OTOGL: variants seen among roughly 807,000 people sequenced by gnomAD.
OTOGL encodes the protein otogelin like, also known as otogelin-like protein.
Under a neutral mutation model 318.5 loss-of-function variants are expected in OTOGL, and 285 were observed. The observed-to-expected ratio is 0.89, with a 90% CI of 0.81 to 0.99. The LOEUF (loss-of-function observed/expected upper bound fraction) is 0.99. OTOGL is among the 50% of genes least tolerant of loss of function. The pLI is 0.00. For missense variants in OTOGL, 2,899 were observed against 2,845.6 expected (o/e 1.02, Z -0.43); for synonymous variants, 987 against 936.5 (o/e 1.05, Z -0.99).
Position 80,329,107 on chromosome 12 carries a change from C to T in OTOGL, c.4336C>T (p.Pro1446Ser), listed in dbSNP as rs1565988279. The T allele has an allele frequency of 6.5e-7, 1 of 1,536,218 alleles. No homozygotes were observed. Among genetic ancestry groups the T allele is most frequent in the South Asian group, 1.3e-5 (1 of 76,614 alleles). ...TLMPPAKPTV[P>S]MFTVWEMITP... is the part of the protein sequence containing the mutation. ...AATGCCACCAGCTAAGCCAACTGTG[C>T]CCATGTTTACAGGTATTGTTATAAT... Residue 1446 changes from proline to serine, a missense_variant, in exon 37 of 59, where the codon CCC becomes TCC. By Grantham distance (74) the Pro-to-Ser change is moderately conservative. This residue lies in a region of OTOGL where 2,607 missense variants were observed against 2,524.9 expected (regional missense o/e 1.03). Coordinates refer to ENST00000547103, the MANE Select transcript of OTOGL (RefSeq NM_001378609.3).
intron 44 of OTOGL, chr12:80,343,815 C>G (rs544038439): frequency 2.0e-5 from 3 of 152,184 alleles, no homozygotes; most frequent in East Asian, 3.9e-4. Flanking sequence ...ATTTTTCATC[C>G]GTGGTTGGTT....
chr12:80,165,917 T>C (rs1405735525), intron 1 of OTOGL, among the ~76,000 whole-genome samples: 1 of 152,202 alleles, frequency 6.6e-6, no homozygotes, highest in Non-Finnish European at 1.5e-5. Flanking sequence ...CTCCTTCTGA[T>C]TGTGCCATCT....
chr12:80,294,915 C>T (rs892551391), intron 26 of OTOGL, among the ~76,000 whole-genome samples: 3 of 152,082 alleles, frequency 2.0e-5, no homozygotes, highest in Non-Finnish European at 4.4e-5. Flanking sequence ...TAGTGACACC[C>T]TGCCTCTACA....
chr12:80,200,686 G>C (rs1292768492), intron 1 of OTOGL, among the ~76,000 whole-genome samples: 1 of 152,114 alleles, frequency 6.6e-6, no homozygotes, highest in Non-Finnish European at 1.5e-5. Context: ...AAGAGGCTTT[G>C]GTAACTCTGC....
At position 80,343,509 on chromosome 12, in the gene OTOGL, G is replaced by GGTTTTTTTTTTTTTTTTTTTTTTT; in HGVS notation, c.5265+1347_5265+1348insGTTTTTTTTTTTTTTTTTTTTTTT. 14 of 35,860 alleles carry GGTTTTTTTTTTTTTTTTTTTTTTT rather than the reference G, an allele frequency of 3.9e-4. 2 individuals are homozygous for GGTTTTTTTTTTTTTTTTTTTTTTT. The highest frequency in any genetic ancestry group is 5.5e-4 in the Non-Finnish European group (11 of 19,834). The allele number at this position is 35,860 out of a possible 1,614,324, so 2.2% of individuals were successfully genotyped here. A position where few individuals can be genotyped will look rare whatever the true frequency, so the allele number is the denominator to read the frequency against. On this transcript the variant is annotated intron_variant, in intron 44 of 58. Transcript: ENST00000547103. ...TACATTTTTATTATTTTTTATTCTTGTTTTTTTTTTTTTTTTTTTTTTTTT... is the reference window on the plus strand; with the variant it reads ...TACATTTTTATTATTTTTTATTCTTGGTTTTTTTTTTTTTTTTTTTTTTTTTTTTTTTTTTTTTTTTTTTTTTTT...
intron 20 of OTOGL, 150 bp from the exon 21 acceptor site, chr12:80,266,301 G>A: frequency 1.3e-6 from 1 of 763,454 alleles, no homozygotes. Context: ...CACTGAGGAT[G>A]TTGCTCTTTG....
At chr12:80,172,260 G>T (rs553322012) in intron 1 of OTOGL, among the ~76,000 whole-genome samples, 2 of 150,810 alleles carry the variant, frequency 1.3e-5, no homozygotes, top group Admixed American at 6.6e-5. Context: ...CTTTGTGAAG[G>T]TTTCCTAGAT....
chr12:80,144,907 GT>G (rs1206400588), intron 1 of OTOGL, among the ~76,000 whole-genome samples: 6 of 151,122 alleles, frequency 4.0e-5, no homozygotes, highest in South Asian at 4.2e-4. Flanking sequence ...GGGGTTGTTT[GT>G]TTTTTTCTTG....
At chr12:80,265,531 G>A (rs1435570974) in intron 20 of OTOGL, 2 of 342,030 alleles carry the variant, frequency 5.8e-6, no homozygotes, top group African/African-American at 4.2e-5. Context: ...TGGAAAGTAT[G>A]GAACAGATTA....
chr12:80,308,562 G>T (rs1398160756), intron 29 of OTOGL, among the ~76,000 whole-genome samples: 3 of 151,984 alleles, frequency 2.0e-5, no homozygotes, highest in Non-Finnish European at 4.4e-5. Flanking sequence ...TCCCAGACGG[G>T]GTGGCGGCCG....
chr12:80,299,118 T>G (rs766013917), intron 27 of OTOGL, among the ~76,000 whole-genome samples: 3 of 152,234 alleles, frequency 2.0e-5, no homozygotes, highest in Non-Finnish European at 4.4e-5. Context: ...TTGAAATTCT[T>G]GTGCACACTA....
chr12:80,124,028 A>C (rs1229453488), intron 1 of OTOGL, among the ~76,000 whole-genome samples: 1 of 152,206 alleles, frequency 6.6e-6, no homozygotes, highest in Non-Finnish European at 1.5e-5. Context: ...GCTGTGCAGA[A>C]GCTATTTCAT....
chr12:80,356,696 G>A (rs1566011398), intron 48 of OTOGL, 111 bp from the exon 49 acceptor site: 1 of 637,204 alleles, frequency 1.6e-6, no homozygotes, highest in Non-Finnish European at 2.5e-6. Flanking sequence ...ATATATATAT[G>A]ATTAAGAACT....
At chr12:80,373,366 A>G (rs145917066) in intron 57 of OTOGL, among the ~76,000 whole-genome samples, 3,898 of 152,206 alleles carry the variant, frequency 0.026, 154 homozygotes, top group Admixed American at 0.1. Flanking sequence ...CGAGAGGCGG[A>G]GGTTACAGTG....
chr12:80,144,505 G>A (rs372518711), intron 1 of OTOGL, among the ~76,000 whole-genome samples: 7,790 of 147,034 alleles, frequency 0.053, 676 homozygotes, highest in African/African-American at 0.19. Context: ...GAATAGTGCC[G>A]CAATAAACAT....
At chr12:80,316,654 A>G (rs972864475) in intron 32 of OTOGL, among the ~76,000 whole-genome samples, 1 of 152,200 alleles carries the variant, frequency 6.6e-6, no homozygotes, top group African/African-American at 2.4e-5. Context: ...TAAATTTACT[A>G]TGATCAAAGT....
At chr12:80,170,562 T>C (rs1185368161) in intron 1 of OTOGL, among the ~76,000 whole-genome samples, 1 of 152,022 alleles carries the variant, frequency 6.6e-6, no homozygotes, top group Non-Finnish European at 1.5e-5. Flanking sequence ...GCCTCCTGAG[T>C]ATCTGAGATT....
rs375881398 is a variant in OTOGL, at chr12:80,353,484, C to A, written c.5567C>A (p.Ala1856Asp). The A allele has an allele frequency of 8.8e-6, 14 of 1,590,778 alleles. No homozygotes were observed. In the African/African-American group the frequency reaches 1.7e-4, roughly 20 times the overall value. Residue 1856 changes from alanine to aspartate, a missense_variant, in exon 46 of 59, where the codon GCC (alanine) becomes GAC (aspartate). Coordinates refer to ENST00000547103, the MANE Select transcript of OTOGL (RefSeq NM_001378609.3). ...VGTILHRPHS[A>D]QCIPEKECAC... Reference sequence around the variant, plus strand: ...ACTATTCTTCACAGGCCACATTCAGCCCAGTGCATTCCAGAGAAAGAGTGT... The same window carrying A: ...ACTATTCTTCACAGGCCACATTCAGACCAGTGCATTCCAGAGAAAGAGTGT...
chr12:80,305,897 G>A (rs1253745833), intron 29 of OTOGL, among the ~76,000 whole-genome samples: 1 of 152,058 alleles, frequency 6.6e-6, no homozygotes, highest in African/African-American at 2.4e-5. Flanking sequence ...CCTTAGTATA[G>A]ATGAAGAAAT....
Sources: gnomAD v4.1 joint callset for allele counts (sites outside exome capture counted in the v4.1 genomes callset) on GRCh38, gnomAD v4.1.1 for gene constraint, gnomAD v4.1.1 regional missense constraint, MANE v1.5 for transcripts, NCBI Gene and HGNC (gene_info 2026-07-23, HGNC 2026-07-21) for gene names.